The following MTHFD1L variants were observed in gnomAD, a reference collection of about 807,000 sequenced individuals.
The protein encoded by MTHFD1L is monofunctional C1-tetrahydrofolate synthase, mitochondrial.
In MTHFD1L, 81 loss-of-function variants were observed where a neutral mutation model predicts 119.5. The ratio of observed to expected loss-of-function variants is 0.68; its 90% confidence interval spans 0.57 to 0.82. The LOEUF is 0.82. Ranked by LOEUF, MTHFD1L falls within the 40% of genes least tolerant of loss-of-function variation. MTHFD1L has a pLI of 0.00. For missense variants in MTHFD1L, 1,125 were observed against 1,253.4 expected (o/e 0.90, Z 1.55); for synonymous variants, 430 against 475.2 (o/e 0.90, Z 1.24).
intron 27 of MTHFD1L, among the ~76,000 whole-genome samples, chr6:151,096,506 G>A (rs948098770): frequency 5.9e-5 from 9 of 152,110 alleles, no homozygotes; most frequent in East Asian, 1.9e-4. Flanking sequence ...TCTGTTTCCC[G>A]TGCCTCTCAC....
At chr6:150,956,126 G>T in intron 17 of MTHFD1L, 55 bp downstream of exon 17, 2 of 1,538,088 alleles carry the variant, frequency 1.3e-6, no homozygotes, top group Non-Finnish European at 1.8e-6. Context: ...ATTTCTACTG[G>T]CCTGGGAGCT....
At chr6:151,013,432 A>T (rs1233770410) in intron 21 of MTHFD1L, among the ~76,000 whole-genome samples, 1 of 152,224 alleles carries the variant, frequency 6.6e-6, no homozygotes, top group Non-Finnish European at 1.5e-5. Flanking sequence ...AGTATTAAAC[A>T]TATTATTAGT....
intron 4 of MTHFD1L, among the ~76,000 whole-genome samples, chr6:150,881,202 A>G (rs1349987248): frequency 6.6e-6 from 1 of 152,118 alleles, no homozygotes; most frequent in Non-Finnish European, 1.5e-5. Flanking sequence ...GTTTTCTTCT[A>G]GTAGTTTTAT....
intron 26 of MTHFD1L, among the ~76,000 whole-genome samples, chr6:151,077,817 A>G (rs932073313): frequency 6.6e-6 from 1 of 152,160 alleles, no homozygotes; most frequent in Non-Finnish European, 1.5e-5. Flanking sequence ...TAATCCCAGC[A>G]CTTTGGAAGG....
At chr6:150,897,041 C>T (rs958239725) in intron 7 of MTHFD1L, among the ~76,000 whole-genome samples, 5 of 151,924 alleles carry the variant, frequency 3.3e-5, no homozygotes, top group East Asian at 3.9e-4. Context: ...AGCATGAACC[C>T]GGGAGGTGGA....
At chr6:150,902,609 A>T (rs1785243811) in intron 7 of MTHFD1L, among the ~76,000 whole-genome samples, 1 of 152,146 alleles carries the variant, frequency 6.6e-6, no homozygotes, top group South Asian at 2.1e-4. Context: ...AACATCTATG[A>T]TGCAATCATT....
chr6:150,962,191 T>G (rs1368646147), intron 18 of MTHFD1L, among the ~76,000 whole-genome samples: 2 of 152,018 alleles, frequency 1.3e-5, no homozygotes, highest in Non-Finnish European at 2.9e-5. Flanking sequence ...GGTTTCACCA[T>G]TTTGGCCAGG....
intron 26 of MTHFD1L, among the ~76,000 whole-genome samples, chr6:151,054,140 G>A (rs929456197): frequency 1.3e-5 from 2 of 152,216 alleles, no homozygotes; most frequent in South Asian, 2.1e-4. Context: ...TTCATTCAGC[G>A]TCTTTGAAGC....
At chr6:150,939,329 T>C (rs1792678970) in intron 13 of MTHFD1L, 1 of 152,266 alleles carries the variant, frequency 6.6e-6, no homozygotes, top group South Asian at 2.1e-4. Flanking sequence ...CCATTAAAAA[T>C]AAAAGACCCC....
chr6:151,066,949 G>A (rs76631958), intron 26 of MTHFD1L, among the ~76,000 whole-genome samples: 13,928 of 151,472 alleles, frequency 0.092, 810 homozygotes, highest in South Asian at 0.18. Context: ...GCAGTTTGTA[G>A]GTCTCTGTAG....
intron 26 of MTHFD1L, among the ~76,000 whole-genome samples, chr6:151,052,407 G>C (rs771394707): frequency 6.6e-6 from 1 of 152,220 alleles, no homozygotes; most frequent in Non-Finnish European, 1.5e-5. Flanking sequence ...AGTGTTGGCA[G>C]GAGGCAGACA....
intron 16 of MTHFD1L, among the ~76,000 whole-genome samples, chr6:150,955,393 T>A (rs1795473650): frequency 6.6e-6 from 1 of 152,198 alleles, no homozygotes; most frequent in Admixed American, 6.5e-5. Flanking sequence ...TTCCTCCTTT[T>A]GACTATTTTG....
intron 26 of MTHFD1L, among the ~76,000 whole-genome samples, chr6:151,086,592 C>T (rs560615489): frequency 2.0e-5 from 3 of 152,056 alleles, no homozygotes; most frequent in Non-Finnish European, 4.4e-5. Context: ...TACAGTGGTG[C>T]ACATGGCTTA....
chr6:150,922,438 C>T (rs1379205702), intron 10 of MTHFD1L, 136 bp downstream of exon 10: 4 of 533,936 alleles, frequency 7.5e-6, no homozygotes, highest in Non-Finnish European at 1.3e-5. Context: ...TAAATTGCCA[C>T]CCTATTTTCT....
At chr6:151,089,590 G>A (rs997598256) in intron 26 of MTHFD1L, among the ~76,000 whole-genome samples, 2 of 152,220 alleles carry the variant, frequency 1.3e-5, no homozygotes, top group Admixed American at 6.5e-5. Context: ...GTGAGAGTGA[G>A]ACTCTGTCTC....
intron 26 of MTHFD1L, among the ~76,000 whole-genome samples, chr6:151,082,826 A>C (rs75149906): frequency 0.013 from 2,022 of 152,316 alleles, 45 homozygotes; most frequent in African/African-American, 0.046. Flanking sequence ...AAAAAAAACA[A>C]AACAAAAGAA....
At chr6:150,984,241 T>C (rs1171915588) in intron 20 of MTHFD1L, among the ~76,000 whole-genome samples, 3 of 152,092 alleles carry the variant, frequency 2.0e-5, no homozygotes, top group Non-Finnish European at 2.9e-5. Flanking sequence ...ATGAAAGTAA[T>C]GGAAAGATGT....
chr6:150,868,164 G>C (rs1471187484), intron 1 of MTHFD1L, among the ~76,000 whole-genome samples: 1 of 151,952 alleles, frequency 6.6e-6, no homozygotes, highest in Non-Finnish European at 1.5e-5. Context: ...AGGTTAGTAG[G>C]GGGCTTTAGG....
chr6:150,980,096 T>G (rs1405500650), intron 20 of MTHFD1L, among the ~76,000 whole-genome samples: 1 of 152,238 alleles, frequency 6.6e-6, no homozygotes, highest in African/African-American at 2.4e-5. Context: ...CCACTTTTGT[T>G]ATTATGATGC....
Sources: gnomAD v4.1 joint callset for allele counts (sites outside exome capture counted in the v4.1 genomes callset) on GRCh38, gnomAD v4.1.1 for gene constraint, MANE v1.5 for transcripts, NCBI Gene and HGNC (gene_info 2026-07-23, HGNC 2026-07-21) for gene names.